Variants in DRC11 observed in about 807,000 individuals in gnomAD.
DRC11 encodes IQ and AAA domain-containing protein 1.
At chr2:236,481,190 C>T in the DRC11 span, among the ~76,000 whole-genome samples, 1 of 152,200 alleles carries the variant, frequency 6.6e-6, no homozygotes, top group Non-Finnish European at 1.5e-5. Flanking sequence ...GCTAGTCCTG[C>T]CTTTCCCTTT....
the DRC11 span, among the ~76,000 whole-genome samples, chr2:236,435,398 G>A: frequency 6.6e-6 from 1 of 152,236 alleles, no homozygotes; most frequent in African/African-American, 2.4e-5. Context: ...ACACAGCCAT[G>A]CCCATCATTT....
At chr2:236,488,190 T>G in the DRC11 span, 1 of 1,575,648 alleles carries the variant, frequency 6.3e-7, no homozygotes, top group Non-Finnish European at 8.6e-7. Context: ...TACAGGGTAT[T>G]TCTGCAAAAA....
At chr2:236,362,375 T>C in the DRC11 span, among the ~76,000 whole-genome samples, 241 of 152,184 alleles carry the variant, frequency 1.6e-3, 1 homozygote, top group African/African-American at 4.7e-3. This position sits in a 1 kb window ranked among gnomAD's most constrained non-coding sequence, Gnocchi z 5.7. Context: ...TCTTCCTCCT[T>C]CTCCTCAGCC....
chr2:236,459,534 C>CAT, the DRC11 span, among the ~76,000 whole-genome samples: 532 of 69,742 alleles, frequency 7.6e-3, 1 homozygote, highest in Non-Finnish European at 0.012. Context: ...TACATGTATA[C>CAT]GTATACGTAT....
the DRC11 span, among the ~76,000 whole-genome samples, chr2:236,437,501 C>T: frequency 1.3e-5 from 2 of 151,748 alleles, no homozygotes; most frequent in Admixed American, 1.3e-4. Flanking sequence ...GTTCTAGATC[C>T]CTGAGGCATC....
chr2:236,458,375 C>T, the DRC11 span, among the ~76,000 whole-genome samples: 2 of 152,072 alleles, frequency 1.3e-5, no homozygotes, highest in African/African-American at 4.8e-5. Context: ...GAAAACACAC[C>T]AGAGTGGGGG....
At chr2:236,378,562 C>G in the DRC11 span, among the ~76,000 whole-genome samples, 5 of 151,904 alleles carry the variant, frequency 3.3e-5, no homozygotes, top group African/African-American at 1.2e-4. Context: ...GTAATCCCAG[C>G]TACTCAGGAG....
At chr2:236,502,862 G>A in the DRC11 span, among the ~76,000 whole-genome samples, 1 of 150,978 alleles carries the variant, frequency 6.6e-6, no homozygotes, top group African/African-American at 2.4e-5. Context: ...GGCTGAGATG[G>A]GAGACTCACT....
At chr2:236,359,583 C>G in the DRC11 span, among the ~76,000 whole-genome samples, 1 of 152,188 alleles carries the variant, frequency 6.6e-6, no homozygotes, top group Non-Finnish European at 1.5e-5. This position sits in a 1 kb window ranked among gnomAD's most constrained non-coding sequence, Gnocchi z 4.3. Context: ...TTCACCTTCT[C>G]CTGCAAATGC....
At chr2:236,340,143 A>C in the DRC11 span, among the ~76,000 whole-genome samples, 2 of 152,096 alleles carry the variant, frequency 1.3e-5, no homozygotes, top group Non-Finnish European at 2.9e-5. Flanking sequence ...AATTTCTTTT[A>C]TTTTTGAGAC....
At chr2:236,459,852 A>G in the DRC11 span, among the ~76,000 whole-genome samples, 15 of 152,036 alleles carry the variant, frequency 9.9e-5, no homozygotes, top group Middle Eastern at 3.4e-3. Context: ...TAACATTGGG[A>G]AAAAAACTTC....
chr2:236,357,204 T>C, the DRC11 span, among the ~76,000 whole-genome samples: 1 of 112,392 alleles, frequency 8.9e-6, no homozygotes. Context: ...TTATAAATTA[T>C]ATTCATATAG....
chr2:236,378,857 G>A, the DRC11 span, among the ~76,000 whole-genome samples: 11 of 152,048 alleles, frequency 7.2e-5, no homozygotes, highest in Admixed American at 2.0e-4. Flanking sequence ...GACTCAAAAC[G>A]CTGACCAGCT....
At chr2:236,365,515 C>T in the DRC11 span, among the ~76,000 whole-genome samples, 9 of 151,724 alleles carry the variant, frequency 5.9e-5, no homozygotes, top group South Asian at 2.1e-4. This position sits in a 1 kb window ranked among gnomAD's most constrained non-coding sequence, Gnocchi z 7.4. Context: ...AGGTGCCAGG[C>T]GGGTGCTGGC....
At chr2:236,502,548 C>CCTGGGAAACAGAGCGAG in the DRC11 span, among the ~76,000 whole-genome samples, 1 of 15,090 alleles carries the variant, frequency 6.6e-5, no homozygotes, top group East Asian at 9.2e-4. Context: ...TGCACTCCAG[C>CCTGGGAAACAGAGCGAG]AAAAAAAAAA....
At chr2:236,417,403 T>C in the DRC11 span, among the ~76,000 whole-genome samples, 1 of 152,126 alleles carries the variant, frequency 6.6e-6, no homozygotes, top group Non-Finnish European at 1.5e-5. Context: ...TGCGAGTCTG[T>C]GTGCTGGTCA....
chr2:236,495,438 C>G, the DRC11 span, among the ~76,000 whole-genome samples: 16 of 152,154 alleles, frequency 1.1e-4, no homozygotes, highest in Non-Finnish European at 1.2e-4. The surrounding 1 kb of genome is among the most constrained non-coding windows in gnomAD (Gnocchi z 5.6). Flanking sequence ...CCATCTATGT[C>G]CATGATGCGT....
chr2:236,422,012 C>T, the DRC11 span, among the ~76,000 whole-genome samples: 7 of 152,286 alleles, frequency 4.6e-5, no homozygotes, highest in Admixed American at 3.9e-4. Flanking sequence ...CAATAACACT[C>T]ATGCTAAAAA....
At chr2:236,451,816 GT>G in the DRC11 span, among the ~76,000 whole-genome samples, 2 of 152,332 alleles carry the variant, frequency 1.3e-5, no homozygotes, top group Admixed American at 1.3e-4. Context: ...CCATTGATTA[GT>G]TAGCTGTGCG....
Sources: allele counts gnomAD v4.1 joint callset (sites outside exome capture counted in the v4.1 genomes callset), GRCh38; gene constraint gnomAD v4.1.1; non-coding constraint Gnocchi (gnomAD v3.1); transcripts MANE v1.5; gene names NCBI Gene and HGNC (gene_info 2026-07-23, HGNC 2026-07-21).